The following EXT1 variants were observed in gnomAD, a reference collection of about 807,000 sequenced individuals.
EXT1 encodes the protein exostosin-1.
EXT1 carries 20 observed loss-of-function variants against 82.5 expected under a neutral mutation model. The ratio of observed to expected loss-of-function variants is 0.24; its 90% CI spans 0.17 to 0.35. The LOEUF (loss-of-function observed/expected upper bound fraction) is 0.35, where lower values mean the gene tolerates loss of function less well. Among genes scored for constraint, EXT1 ranks in the 10% least tolerant of loss-of-function variants. EXT1 has a pLI of 1.00. For missense variants in EXT1, 757 were observed against 936.5 expected, an observed-to-expected ratio of 0.81 and a Z score of 2.50; for synonymous variants, 348 against 350.8, an observed-to-expected ratio of 0.99 and a Z score of 0.09.
chr8:117,821,123 G>C (rs1811918144), intron 5 of EXT1, among the ~76,000 whole-genome samples: 1 of 152,164 alleles, frequency 6.6e-6, no homozygotes, highest in Non-Finnish European at 1.5e-5. Context: ...ACAGTGCAGG[G>C]ACATTCAAGT....
At chr8:117,933,435 G>A (rs546743187) in intron 1 of EXT1, among the ~76,000 whole-genome samples, 3 of 152,082 alleles carry the variant, frequency 2.0e-5, no homozygotes, top group South Asian at 2.1e-4. Flanking sequence ...TAGTAGAAAC[G>A]GGGTTTCACC....
intron 1 of EXT1, among the ~76,000 whole-genome samples, chr8:117,908,892 GGAGGGCAGATC>G (rs1196614656): frequency 6.6e-6 from 1 of 152,036 alleles, no homozygotes; most frequent in Non-Finnish European, 1.5e-5. Flanking sequence ...GGGAGGCTGA[GGAGGGCAGATC>G]GCTTGAGCCC....
At chr8:117,833,104 C>T (rs947611357) in intron 3 of EXT1, among the ~76,000 whole-genome samples, 1 of 152,156 alleles carries the variant, frequency 6.6e-6, no homozygotes, top group African/African-American at 2.4e-5. Flanking sequence ...CCAGAGCAGA[C>T]ATTTGGGCTG....
chr8:117,928,866 C>T (rs10505323), intron 1 of EXT1, among the ~76,000 whole-genome samples: 6,825 of 151,872 alleles, frequency 0.045, 506 homozygotes, highest in African/African-American at 0.16. Context: ...CAAGTACTTA[C>T]GACACCGATG....
chr8:117,864,723 T>C (rs966518180), intron 1 of EXT1, among the ~76,000 whole-genome samples: 7 of 133,308 alleles, frequency 5.3e-5, no homozygotes, highest in African/African-American at 1.7e-4. Context: ...CACTCCAGCC[T>C]GGGCGACAGA....
intron 1 of EXT1, among the ~76,000 whole-genome samples, chr8:117,923,553 TA>T (rs35980846): frequency 0.087 from 11,852 of 136,866 alleles, 1,034 homozygotes; most frequent in African/African-American, 0.24. Flanking sequence ...CCATCTCTAC[TA>T]AAAAAAAAAA....
intron 1 of EXT1, among the ~76,000 whole-genome samples, chr8:118,101,164 T>C (rs1817712892): frequency 6.6e-6 from 1 of 152,172 alleles, no homozygotes; most frequent in African/African-American, 2.4e-5. Context: ...CATTTGACCT[T>C]CTTAACGACC....
chr8:118,031,424 C>G (rs1816316499), intron 1 of EXT1, among the ~76,000 whole-genome samples: 1 of 151,672 alleles, frequency 6.6e-6, no homozygotes, highest in African/African-American at 2.4e-5. Context: ...ACTAGGGAGG[C>G]TGAAGCAGGG....
intron 1 of EXT1, among the ~76,000 whole-genome samples, chr8:118,088,564 C>T (rs1422490264): frequency 6.6e-6 from 1 of 150,896 alleles, no homozygotes; most frequent in Non-Finnish European, 1.5e-5. Context: ...TAAAATTTGA[C>T]AGTTTCTTCC....
chr8:117,896,737 A>G (rs17504094), intron 1 of EXT1, among the ~76,000 whole-genome samples: 2,043 of 152,330 alleles, frequency 0.013, 54 homozygotes, highest in African/African-American at 0.047. Context: ...GGGGAGGTGG[A>G]TGGAGAACAG....
intron 1 of EXT1, among the ~76,000 whole-genome samples, chr8:117,980,262 T>C (rs892244576): frequency 6.6e-5 from 10 of 152,130 alleles, no homozygotes; most frequent in African/African-American, 2.2e-4. Flanking sequence ...CTGAGAGTCA[T>C]CCTCGTCCTT....
Position 117,888,723 on chromosome 8 carries a change from A to T in EXT1, c.963-51522T>A, listed in dbSNP as rs369673282. 8.5e-5 allele frequency among the ~76,000 whole-genome samples: 13 copies of T among 152,160 alleles called. No homozygotes were observed. The South Asian group carries it at 2.5e-3, about 29-fold the overall frequency. On this transcript the variant is annotated intron_variant, in intron 1 of 10. Transcript: ENST00000378204. The stretch of plus-strand genomic sequence containing the variant: ...TTCCCTATTTCTCTGCTTATTCAAG[A>T]TCTGTTCGAGTTCCACCTCCTCCCC...
rs1016041985 is a variant in EXT1 at position 117,795,707 on chromosome 8, G to A, written c.*4005C>T. 6.6e-6 allele frequency: 1 copy of A among 152,036 alleles called. No homozygotes were observed. Among genetic ancestry groups the A allele is most frequent in the Non-Finnish European group, 1.5e-5 (1 of 68,124 alleles). 9.4% of individuals were successfully genotyped at this position (152,036 alleles called of 1,614,324 possible). A position where few individuals can be genotyped will look rare whatever the true frequency, so the allele number is the denominator to read the frequency against. On this transcript the variant is annotated 3_prime_UTR_variant, in exon 11 of 11. Transcript: ENST00000378204. ...AACTACTAAGCAGGGTGAGGCAGGA[G>A]AATTGCTTGAACCGGGGAGGCGGAG...
chr8:117,889,551 A>G (rs768811488), intron 1 of EXT1, among the ~76,000 whole-genome samples: 1 of 152,172 alleles, frequency 6.6e-6, no homozygotes, highest in Non-Finnish European at 1.5e-5. Context: ...AGCCCAATAA[A>G]TCTTTGATGA....
At chr8:117,888,613 T>C (rs1813190895) in intron 1 of EXT1, among the ~76,000 whole-genome samples, 1 of 152,182 alleles carries the variant, frequency 6.6e-6, no homozygotes, top group Non-Finnish European at 1.5e-5. Context: ...TTTTCTGATC[T>C]CAGATTTTAG....
chr8:117,977,084 T>TA (rs1173937249), intron 1 of EXT1, among the ~76,000 whole-genome samples: 4 of 152,012 alleles, frequency 2.6e-5, no homozygotes, highest in East Asian at 3.9e-4. Context: ...TGATTTTTTT[T>TA]AAAAAGATGA....
intron 1 of EXT1, among the ~76,000 whole-genome samples, chr8:117,970,748 G>C (rs763551460): frequency 3.9e-5 from 6 of 152,168 alleles, no homozygotes; most frequent in Non-Finnish European, 5.9e-5. Context: ...ACTTCATTGA[G>C]TGGAATCCAA....
rs112373962 is a variant in EXT1, at chr8:118,110,006, AT to A, written c.962+78del. On this transcript the variant is annotated intron_variant, in intron 1 of 10. Transcript: ENST00000378204. ...CTGAGGGCTCATCCGCCCTCACCCC[AT>A]CCCCCAACTTCACACCTGGACCAAG... 12,891 of 1,608,226 alleles carry A rather than the reference AT, an allele frequency of 8.0e-3. 471 individuals carry two copies. The African/African-American group carries it at 0.1, about 13-fold the overall frequency.
In EXT1 at chr8:117,829,569, C is replaced by CTTTTTTTTT. The variant is rs35823668; in HGVS notation, c.1284+652_1284+660dup. On this transcript the variant is annotated intron_variant, in intron 4 of 10. Coordinates refer to ENST00000378204, the MANE Select transcript of EXT1 (RefSeq NM_000127.3). ...TTACTTGGCCATTATATATATTTTT[C>CTTTTTTTTT]TTTTTTTTTTTTTTTTTTTTTGAGG... Among the ~76,000 whole-genome samples the CTTTTTTTTT allele has an allele frequency of 2.7e-4, 26 of 96,874 alleles. 1 individual carries two copies. Among genetic ancestry groups the CTTTTTTTTT allele is most frequent in the Admixed American group, 4.0e-4 (3 of 7,554 alleles). The allele number at this position is 96,874 out of a possible 152,430, so 63.6% of individuals were successfully genotyped here.
Sources: allele counts gnomAD v4.1 joint callset (sites outside exome capture counted in the v4.1 genomes callset), GRCh38; gene constraint gnomAD v4.1.1; transcripts MANE v1.5; gene names NCBI Gene and HGNC (gene_info 2026-07-23, HGNC 2026-07-21).